The following DNAH11 variants were observed in gnomAD, a reference collection of about 807,000 sequenced individuals.
DNAH11 encodes dynein axonemal heavy chain 11, also known as axonemal beta dynein heavy chain 11.
DNAH11 carries 442 observed loss-of-function variants against 526.0 expected under a neutral mutation model. That is an observed-to-expected ratio of 0.84 (90% CI 0.78 to 0.91). DNAH11 has a LOEUF of 0.91. DNAH11 is among the 40% of genes least tolerant of loss of function. The pLI, the probability that DNAH11 is intolerant of heterozygous loss-of-function variation, is 0.00. For synonymous variants in DNAH11, 2,461 were observed against 1,935.9 expected (o/e 1.27, Z -7.12); for missense variants, 6,989 against 5,448.7 (o/e 1.28, Z -8.90).
chr7:21,692,507 C>T (rs555852371), intron 35 of DNAH11, among the ~76,000 whole-genome samples: 11 of 152,202 alleles, frequency 7.2e-5, no homozygotes, highest in African/African-American at 2.6e-4. Flanking sequence ...AGTAGTTTGC[C>T]CCTCTTTCTC....
chr7:21,848,337 T>TCTCTCC (rs1489485502), intron 66 of DNAH11, among the ~76,000 whole-genome samples: 1 of 133,372 alleles, frequency 7.5e-6, no homozygotes, highest in Non-Finnish European at 1.6e-5. Context: ...TTTCTCCATC[T>TCTCTCC]CTCTCTCTCT....
intron 65 of DNAH11, among the ~76,000 whole-genome samples, chr7:21,835,489 A>G (rs994410500): frequency 6.6e-6 from 1 of 152,236 alleles, no homozygotes; most frequent in African/African-American, 2.4e-5. Context: ...GATACATCAC[A>G]TTAACAGAAT....
rs570243154 is a variant in DNAH11, at chr7:21,876,117, C to G, written c.12195+2616C>G. On this transcript the variant is annotated intron_variant, in intron 74 of 81. Coordinates refer to ENST00000409508, the MANE Select transcript of DNAH11 (RefSeq NM_001277115.2). ...GCCAGGATGGTCTTGATCTCCTGAC[C>G]TTGTGATCTGCCCGCCTCGGCATCC... Among the ~76,000 whole-genome samples, 640 of 152,086 alleles carry G rather than the reference C, an allele frequency of 4.2e-3. 13 individuals are homozygous for G. The highest frequency in any genetic ancestry group is 0.037 in the Admixed American group (561 of 15,292).
Position 21,748,716 on chromosome 7 carries a change from G to A in DNAH11, c.8647G>A (p.Glu2883Lys), listed in dbSNP as rs752605468. 8.7e-6 allele frequency: 14 copies of A among 1,613,146 alleles called. No homozygotes were observed. The highest frequency in any genetic ancestry group is 2.2e-5 in the South Asian group (2 of 90,966). ...TGAGGTCTTTCAGATCACTCTGACC[G>A]AGGGCTATGGAATCCAGGAACTTCG... ...GLEVFQITLT[E>K]GYGIQELRVD... is the part of the protein sequence containing the mutation. The change falls in exon 52 of 82, where the codon GAG (glutamate) becomes AAG (lysine). Residue 2883 changes from glutamate (E) to lysine (K), a missense_variant. By Grantham distance (56) the Glu-to-Lys change is moderately conservative. Coordinates refer to ENST00000409508, the MANE Select transcript of DNAH11 (RefSeq NM_001277115.2).
intron 74 of DNAH11, among the ~76,000 whole-genome samples, chr7:21,877,810 G>A (rs565790638): frequency 7.1e-6 from 1 of 140,426 alleles, no homozygotes; most frequent in Non-Finnish European, 1.5e-5. Flanking sequence ...GGGAGGCAGA[G>A]GTTGCAATGA....
At chr7:21,646,071 A>G (rs1787344233) in intron 28 of DNAH11, among the ~76,000 whole-genome samples, 1 of 152,228 alleles carries the variant, frequency 6.6e-6, no homozygotes, top group Admixed American at 6.5e-5. Context: ...TGGAATATAT[A>G]AAGAACTCCA....
intron 25 of DNAH11, among the ~76,000 whole-genome samples, chr7:21,629,232 G>C (rs949613820): frequency 3.3e-5 from 5 of 152,010 alleles, no homozygotes; most frequent in South Asian, 2.1e-4. Context: ...CCTCTTGTTA[G>C]TGATTTCTAG....
chr7:21,719,898 G>T (rs993096877), intron 43 of DNAH11, among the ~76,000 whole-genome samples: 2 of 152,130 alleles, frequency 1.3e-5, no homozygotes, highest in African/African-American at 4.8e-5. Flanking sequence ...AATTAATGAC[G>T]ACTTTCTGTG....
At chr7:21,605,757 A>T (rs11773760) in intron 18 of DNAH11, among the ~76,000 whole-genome samples, 20,378 of 152,154 alleles carry the variant, frequency 0.13, 1,443 homozygotes, top group East Asian at 0.2. Flanking sequence ...TTCCATTTCT[A>T]GTTGTTAGAG....
chr7:21,644,873 T>C (rs1562724339), intron 28 of DNAH11, among the ~76,000 whole-genome samples: 1 of 152,220 alleles, frequency 6.6e-6, no homozygotes, highest in Non-Finnish European at 1.5e-5. Flanking sequence ...GAATCTACTT[T>C]CAGAATAAAT....
intron 36 of DNAH11, among the ~76,000 whole-genome samples, chr7:21,699,576 T>G (rs147759278): frequency 6.6e-6 from 1 of 152,316 alleles, no homozygotes; most frequent in African/African-American, 2.4e-5. Context: ...TGAGAGTGAT[T>G]TATGTTGTCC....
At chr7:21,591,649 C>G (rs1784693832) in intron 14 of DNAH11, 72 bp downstream of exon 14, 2 of 1,391,190 alleles carry the variant, frequency 1.4e-6, no homozygotes, top group Middle Eastern at 1.9e-4. Context: ...AATCTTTAAC[C>G]TAATAATGTG....
chr7:21,573,992 A>G (rs904530755), intron 8 of DNAH11, among the ~76,000 whole-genome samples: 4 of 152,168 alleles, frequency 2.6e-5, no homozygotes, highest in East Asian at 3.8e-4. Context: ...TGGCGTACCG[A>G]AAGGTTTGCT....
In DNAH11 at chr7:21,808,955, A is replaced by G. The variant is rs966341966; in HGVS notation, c.10332+906A>G. Among the ~76,000 whole-genome samples the G allele has an allele frequency of 3.9e-5, 6 of 152,312 alleles. No homozygotes were observed. In the East Asian group the frequency reaches 9.6e-4, roughly 24 times the overall value. On this transcript the variant is annotated intron_variant, in intron 63 of 81. Transcript: ENST00000409508. ...TATTTATTTTTTTTGAGGAACCTCC[A>G]TACTGTTTTCTGTGGTGACTGTACT...
At chr7:21,687,621 G>C in intron 34 of DNAH11, 94 bp downstream of exon 34, 1 of 1,401,960 alleles carries the variant, frequency 7.1e-7, no homozygotes, top group Non-Finnish European at 9.6e-7. Flanking sequence ...ACCTCTCCCT[G>C]TCTCATGAAA....
chr7:21,709,843 C>T (rs1055514207), intron 40 of DNAH11, among the ~76,000 whole-genome samples: 1 of 152,132 alleles, frequency 6.6e-6, no homozygotes, highest in Non-Finnish European at 1.5e-5. Context: ...GATACTGTCA[C>T]TTTTGGCACA....
chr7:21,791,340 C>T lies in DNAH11; in HGVS notation c.10026+1998C>T, dbSNP rs532967513. ...TTTTCTTTAGGGAAGAATCTCTCTG[C>T]ATTGGATGCACTCAGGTGAGGCTTT... On this transcript the variant is annotated intron_variant, in intron 61 of 81. Coordinates refer to ENST00000409508, the MANE Select transcript of DNAH11 (RefSeq NM_001277115.2). Among the ~76,000 whole-genome samples, 5 of 152,320 alleles carry T rather than the reference C, an allele frequency of 3.3e-5. No individual in the cohort carries two copies. The South Asian group carries it at 1.0e-3, about 32-fold the overall frequency.
chr7:21,655,958 G>A lies in DNAH11; in HGVS notation c.5071G>A (p.Ala1691Thr). 6.2e-7 allele frequency: 1 copy of A among 1,607,314 alleles called. No homozygotes were observed. Among genetic ancestry groups the A allele is most frequent in the South Asian group, 1.1e-5 (1 of 89,696 alleles). ...SKEKEYVPFQAECECVGHVET... is the reference protein window; with the variant it reads ...SKEKEYVPFQTECECVGHVET... Reference sequence around the variant, plus strand: ...AGAAAAGGAGTATGTCCCATTCCAAGCCGAGTGTGAATGTGTGGGCCATGT... The same window carrying A: ...AGAAAAGGAGTATGTCCCATTCCAAACCGAGTGTGAATGTGTGGGCCATGT... The change falls in exon 29 of 82, where the codon GCC (alanine) becomes ACC (threonine). Residue 1691 changes from alanine (A) to threonine (T), a missense_variant. Coordinates refer to ENST00000409508, the MANE Select transcript of DNAH11 (RefSeq NM_001277115.2).
chr7:21,832,409 T>A (rs904500634), intron 65 of DNAH11, among the ~76,000 whole-genome samples: 23 of 152,242 alleles, frequency 1.5e-4, no homozygotes, highest in African/African-American at 5.3e-4. Flanking sequence ...GGATTTTATT[T>A]CTCCTTCGCT....
Sources: allele counts gnomAD v4.1 joint callset (sites outside exome capture counted in the v4.1 genomes callset), GRCh38; gene constraint gnomAD v4.1.1; transcripts MANE v1.5; gene names NCBI Gene and HGNC (gene_info 2026-07-23, HGNC 2026-07-21).